MAGI1: variants seen among roughly 807,000 people sequenced by gnomAD.
MAGI1 encodes membrane associated guanylate kinase, WW and PDZ domain containing 1, also known as membrane-associated guanylate kinase, WW and PDZ domain-containing protein 1.
A neutral mutation model predicts 139.9 loss-of-function variants in MAGI1; 58 were observed. That is an observed-to-expected ratio of 0.41 (90% CI 0.34 to 0.52). MAGI1 has a LOEUF of 0.52. MAGI1 is among the 20% of genes least tolerant of loss of function. The probability of loss-of-function intolerance (pLI) is 0.12; values close to 1 mark genes in which losing one functional copy is unlikely to be tolerated. For synonymous variants in MAGI1, 812 were observed against 737.9 expected, an observed-to-expected ratio of 1.10 and a Z score of -1.63; for missense variants, 1,874 against 1,901.6, an observed-to-expected ratio of 0.99 and a Z score of 0.27.
chr3:65,614,908 G>A (rs1386374943), intron 2 of MAGI1, among the ~76,000 whole-genome samples: 2 of 151,936 alleles, frequency 1.3e-5, no homozygotes, highest in East Asian at 3.9e-4. Context: ...TGTAGTCCCA[G>A]CTACTCTGGA....
chr3:65,973,609 T>C (rs566773096), intron 1 of MAGI1, among the ~76,000 whole-genome samples: 2 of 152,216 alleles, frequency 1.3e-5, no homozygotes, highest in African/African-American at 4.8e-5. Flanking sequence ...AAGAGCTTAG[T>C]TCTGCATTTG....
At position 65,391,296 on chromosome 3, in the gene MAGI1, G is replaced by T. The variant is rs1943904603; in HGVS notation, c.2262C>A (p.Ser754Arg). The stretch of plus-strand genomic sequence containing the variant: ...TGTGGCTTGGGGATGCTGTGTGCAG[G>T]CTTCGGTGGCTGGAAACACTGTGCT... ...SSQHSVSSHR[S>R]LHTASPSHST... is the part of the protein sequence containing the mutation. The change falls in exon 14 of 23, where the codon AGC becomes AGA. Residue 754 changes from serine (S) to arginine (R), a missense_variant. Ser to Arg is a moderately radical substitution (Grantham distance 110). This residue lies in a region of MAGI1 where 482 missense variants were observed against 509.6 expected (regional missense o/e 0.95). Coordinates refer to ENST00000402939, the MANE Select transcript of MAGI1 (RefSeq NM_001033057.2). 1 of 1,614,042 alleles carries T rather than the reference G, an allele frequency of 6.2e-7. No homozygotes were observed.
chr3:66,008,468 G>A (rs1333521475), intron 1 of MAGI1, among the ~76,000 whole-genome samples: 3 of 152,186 alleles, frequency 2.0e-5, no homozygotes, highest in African/African-American at 4.8e-5. Flanking sequence ...GGCAGGCACA[G>A]CAATGCCCTT....
chr3:66,017,257 G>T (rs1381075213), intron 1 of MAGI1, among the ~76,000 whole-genome samples: 4 of 152,250 alleles, frequency 2.6e-5, no homozygotes, highest in African/African-American at 9.6e-5. Context: ...GAAGACGCAA[G>T]CACTTGTGTC....
chr3:65,375,707 AAAGAG>A, intron 18 of MAGI1, 33 bp downstream of exon 18: 1 of 1,469,142 alleles, frequency 6.8e-7, no homozygotes, highest in Non-Finnish European at 9.5e-7. Context: ...AGAGAGAGAA[AAAGAG>A]AGAGAGAGAG....
chr3:65,669,712 T>G (rs1304689655), intron 1 of MAGI1, among the ~76,000 whole-genome samples: 1 of 152,228 alleles, frequency 6.6e-6, no homozygotes, highest in Non-Finnish European at 1.5e-5. Context: ...TGTTTAAAAT[T>G]GCAGTTGAAA....
At chr3:65,584,015 T>C (rs2081557540) in intron 2 of MAGI1, among the ~76,000 whole-genome samples, 1 of 135,570 alleles carries the variant, frequency 7.4e-6, no homozygotes, top group Admixed American at 8.3e-5. Flanking sequence ...AATTAACACA[T>C]CACAGCACAT....
Position 65,478,674 on chromosome 3 carries a change from G to A in MAGI1, c.675C>T (p.Tyr225=), listed in dbSNP as rs761198936. ...KQSTPKRTKS[Y]NDMQNAGIVH... ...CTATGCCAGCATTTTGCATATCATT[G>A]TAGGACTTGGTTCGCTTCGGGGTCG... The change falls in exon 4 of 23, where the codon TAC becomes TAT. Residue 225 remains tyrosine (Y), a synonymous_variant. Coordinates refer to ENST00000402939, the MANE Select transcript of MAGI1 (RefSeq NM_001033057.2). 1.2e-6 allele frequency: 2 copies of A among 1,614,052 alleles called. No individual in the cohort carries two copies. Among genetic ancestry groups the A allele is most frequent in the Non-Finnish European group, 1.7e-6 (2 of 1,179,994 alleles).
chr3:65,504,392 C>T (rs934297312), intron 2 of MAGI1, among the ~76,000 whole-genome samples: 1 of 152,212 alleles, frequency 6.6e-6, no homozygotes, highest in African/African-American at 2.4e-5. Context: ...TGCAACAACA[C>T]TATAAAGTAG....
chr3:65,776,565 C>G (rs1295358877), intron 1 of MAGI1, among the ~76,000 whole-genome samples: 2 of 152,102 alleles, frequency 1.3e-5, no homozygotes, highest in Admixed American at 6.6e-5. Context: ...TTTTCTGGCT[C>G]TCCTCGAATA....
chr3:65,446,211 A>T (rs1948663513), intron 7 of MAGI1, among the ~76,000 whole-genome samples: 1 of 152,218 alleles, frequency 6.6e-6, no homozygotes, highest in Admixed American at 6.5e-5. Flanking sequence ...GCAAATAGCT[A>T]ATAGAATGTG....
chr3:65,433,393 T>G (rs986145331), intron 10 of MAGI1, among the ~76,000 whole-genome samples: 2 of 152,198 alleles, frequency 1.3e-5, no homozygotes, highest in Non-Finnish European at 2.9e-5. Context: ...AGCAGAGCTT[T>G]GAAATTATAC....
At chr3:65,847,767 A>C (rs2059056267) in intron 1 of MAGI1, among the ~76,000 whole-genome samples, 1 of 152,186 alleles carries the variant, frequency 6.6e-6, no homozygotes, top group South Asian at 2.1e-4. Context: ...TTGATGATGA[A>C]ATTCCACTGG....
At chr3:65,553,215 G>A (rs1436427959) in intron 2 of MAGI1, among the ~76,000 whole-genome samples, 4 of 151,720 alleles carry the variant, frequency 2.6e-5, no homozygotes, top group Admixed American at 6.6e-5. Flanking sequence ...GCTATGCACG[G>A]TATAACAATA....
chr3:65,509,845 G>A (rs924957666), intron 2 of MAGI1, among the ~76,000 whole-genome samples: 2 of 152,220 alleles, frequency 1.3e-5, no homozygotes, highest in Non-Finnish European at 2.9e-5. Context: ...TCCACCTCTG[G>A]GGGCAGGGCA....
intron 1 of MAGI1, among the ~76,000 whole-genome samples, chr3:65,881,991 C>G (rs2060348395): frequency 6.6e-6 from 1 of 152,196 alleles, no homozygotes; most frequent in Non-Finnish European, 1.5e-5. Context: ...TCCTATTCCC[C>G]AAGCAACCTT....
intron 3 of MAGI1, among the ~76,000 whole-genome samples, chr3:65,491,380 A>G (rs1329563933): frequency 6.6e-6 from 1 of 152,192 alleles, no homozygotes; most frequent in African/African-American, 2.4e-5. Flanking sequence ...TTCCATTAAC[A>G]TCGAATAAAG....
At chr3:65,543,760 G>GA (rs1304425222) in intron 2 of MAGI1, among the ~76,000 whole-genome samples, 1 of 151,850 alleles carries the variant, frequency 6.6e-6, no homozygotes, top group Non-Finnish European at 1.5e-5. Flanking sequence ...AGGGATGGGG[G>GA]GGGGTACAAG....
chr3:65,880,908 C>CGCGTGTGTGTGTGTGT (rs2060298851), intron 1 of MAGI1, among the ~76,000 whole-genome samples: 1 of 145,580 alleles, frequency 6.9e-6, no homozygotes, highest in South Asian at 2.2e-4. Context: ...ATATCTCTGG[C>CGCGTGTGTGTGTGTGT]GTGTGTGTGT....
Sources: gnomAD v4.1 joint callset for allele counts (sites outside exome capture counted in the v4.1 genomes callset) on GRCh38, gnomAD v4.1.1 for gene constraint, gnomAD v4.1.1 regional missense constraint, MANE v1.5 for transcripts, NCBI Gene and HGNC (gene_info 2026-07-23, HGNC 2026-07-21) for gene names.